Variants in CFI observed in about 807,000 individuals in gnomAD.
The protein encoded by CFI is complement factor I, also known as C3B/C4B inactivator.
CFI carries 66 observed loss-of-function variants against 78.8 expected under a neutral mutation model. The observed-to-expected ratio is 0.84, with a 90% CI of 0.69 to 1.03. CFI has a LOEUF of 1.03. CFI is among the 50% of genes least tolerant of loss of function. The pLI is 0.00. For missense variants in CFI, 706 were observed against 704.5 expected (o/e 1.00, Z -0.02); for synonymous variants, 250 against 232.6 (o/e 1.07, Z -0.68).
intron 7 of CFI, among the ~76,000 whole-genome samples, chr4:109,757,088 A>G (rs1726405707): frequency 6.6e-6 from 1 of 151,000 alleles, no homozygotes; most frequent in African/African-American, 2.4e-5. Flanking sequence ...GAGTGCAGTG[A>G]CGCGGTCTCG....
intron 8 of CFI, among the ~76,000 whole-genome samples, chr4:109,749,870 T>TAACCAAGAGGTTAA (rs1453475567): frequency 8.5e-5 from 13 of 152,226 alleles, no homozygotes; most frequent in Non-Finnish European, 1.6e-4. Flanking sequence ...GTTAAACATT[T>TAACCAAGAGGTTAA]ACCAGCCTCT....
At position 109,749,232 on chromosome 4, in the gene CFI, A is replaced by G. The variant is rs199539609; in HGVS notation, c.1134T>C (p.Ala378=). The G allele has an allele frequency of 1.3e-5, 21 of 1,613,890 alleles. No homozygotes were observed. The highest frequency in any genetic ancestry group is 1.7e-5 in the Non-Finnish European group (20 of 1,179,842). The change falls in exon 10 of 13, where the codon GCT becomes GCC. Residue 378 remains alanine (A), a synonymous_variant. Transcript: ENST00000394634. ...IYIGGCWILT[A]AHCLRASKTH... is the part of the protein sequence containing the mutation. ...ACATCTTTTACCTGAGACAATGTGC[A>G]GCAGTCAGAATCCAACAGCCACCAA...
At chr4:109,776,679 C>T (rs1729288016) in intron 1 of CFI, among the ~76,000 whole-genome samples, 1 of 152,098 alleles carries the variant, frequency 6.6e-6, no homozygotes, top group South Asian at 2.1e-4. Flanking sequence ...GTCAGATTCA[C>T]CAAAGTTGAA....
At chr4:109,788,722 A>C (rs939318084) in intron 1 of CFI, among the ~76,000 whole-genome samples, 1 of 152,100 alleles carries the variant, frequency 6.6e-6, no homozygotes, top group Non-Finnish European at 1.5e-5. Flanking sequence ...GAAAATGCAA[A>C]GTGAACATTT....
intron 1 of CFI, among the ~76,000 whole-genome samples, chr4:109,771,714 C>CAAAAA (rs149565381): frequency 0.012 from 215 of 18,116 alleles, 42 homozygotes; most frequent in African/African-American, 0.02. Flanking sequence ...ACTCCATCAC[C>CAAAAA]AAAAAAAAAA....
chr4:109,757,838 A>G lies in CFI; in HGVS notation c.884-55T>C, dbSNP rs980116445. On this transcript the variant is annotated intron_variant, in intron 6 of 12. Coordinates refer to ENST00000394634, the MANE Select transcript of CFI (RefSeq NM_000204.5). ...AAAGGATAATTTTTGGAAAAAATGC[A>G]CACTATAGCAATATACTATACATAT... is the stretch of plus-strand genomic sequence containing the variant. 14 of 1,372,984 alleles carry G rather than the reference A, an allele frequency of 1.0e-5. No individual in the cohort carries two copies. The African/African-American group carries it at 1.6e-4, about 16-fold the overall frequency. The allele number at this position is 1,372,984 out of a possible 1,614,324, so 85.1% of individuals were successfully genotyped here.
Position 109,764,547 on chromosome 4 carries a change from C to G in CFI, c.472G>C (p.Gly158Arg). ...REANVACLDL[G>R]FQQGADTQRR... ...GATACAAGCGCTCACTGTTGAAACC[C>G]AAGGTCAAGGCAGGCCACGTTGGCT... The change falls in exon 3 of 13, where the codon GGG becomes CGG. Residue 158 changes from glycine (G) to arginine (R), a missense_variant. Transcript: ENST00000394634. 7 of 1,614,034 alleles carry G rather than the reference C, an allele frequency of 4.3e-6. No homozygotes were observed. The highest frequency in any genetic ancestry group is 5.9e-6 in the Non-Finnish European group (7 of 1,180,012).
chr4:109,764,357 A>G (rs565355304), intron 3 of CFI, 180 bp downstream of exon 3: 22 of 684,784 alleles, frequency 3.2e-5, no homozygotes, highest in Admixed American at 6.8e-5. Flanking sequence ...TGTTGTCAGC[A>G]GGGTTCCAAG....
chr4:109,753,049 T>A (rs1379344095), intron 7 of CFI, among the ~76,000 whole-genome samples: 21 of 9,378 alleles, frequency 2.2e-3, no homozygotes, highest in Middle Eastern at 0.036. Context: ...ATATATTTAT[T>A]ATATATTTAT....
At chr4:109,791,205 T>C (rs934123867) in intron 1 of CFI, among the ~76,000 whole-genome samples, 2 of 152,210 alleles carry the variant, frequency 1.3e-5, no homozygotes, top group Admixed American at 1.3e-4. Context: ...TCACTGATGT[T>C]GGGCTTTTTT....
chr4:109,739,533 G>C (rs927756944), downstream of CFI, among the ~76,000 whole-genome samples: 4 of 151,984 alleles, frequency 2.6e-5, no homozygotes, highest in African/African-American at 9.7e-5. Context: ...TAGCCTTGGG[G>C]TCGGGTGGGG....
chr4:109,745,957 G>T (rs777150857), intron 11 of CFI, among the ~76,000 whole-genome samples: 1 of 152,164 alleles, frequency 6.6e-6, no homozygotes, highest in Non-Finnish European at 1.5e-5. Context: ...AAATGGAAAT[G>T]TGGAATGGGG....
chr4:109,790,481 T>G (rs550902787), intron 1 of CFI, among the ~76,000 whole-genome samples: 1 of 152,202 alleles, frequency 6.6e-6, no homozygotes, highest in Non-Finnish European at 1.5e-5. Flanking sequence ...TGCAGGTTTG[T>G]TATGTAGGTA....
chr4:109,751,937 G>A (rs564005710), intron 8 of CFI, among the ~76,000 whole-genome samples: 2 of 152,212 alleles, frequency 1.3e-5, no homozygotes, highest in East Asian at 1.9e-4. Flanking sequence ...AGAATTTAAC[G>A]TAAGTCTGTC....
intron 1 of CFI, among the ~76,000 whole-genome samples, chr4:109,776,998 G>C (rs1442500873): frequency 6.6e-6 from 1 of 152,174 alleles, no homozygotes; most frequent in Non-Finnish European, 1.5e-5. Flanking sequence ...GGAACAACCA[G>C]TACCAGCCAC....
chr4:109,749,528 G>T lies in CFI; in HGVS notation c.1015C>A (p.Arg339=). The part of the protein sequence containing the change: ...VKNRMHIRRK[R]IVGGKRAQLG... ...TGTGCTCGCTTTCCTCCCACAATTC[G>T]TTTCCTTCGAATGTGCATTCTGTTT... The change falls in exon 9 of 13, where the codon CGA becomes AGA. Residue 339 remains arginine (R), a synonymous_variant. Transcript: ENST00000394634. 1 of 1,613,392 alleles carries T rather than the reference G, an allele frequency of 6.2e-7. No homozygotes were observed. Among genetic ancestry groups the T allele is most frequent in the Non-Finnish European group, 8.5e-7 (1 of 1,179,488 alleles).
chr4:109,749,633 T>C (rs749160450), intron 8 of CFI, 31 bp from the exon 9 acceptor site: 10 of 1,416,834 alleles, frequency 7.1e-6, no homozygotes, highest in Admixed American at 5.0e-5. Flanking sequence ...ACATCATTAT[T>C]ATCTTGAACC....
chr4:109,736,914 T>C (rs757221444), downstream of CFI, among the ~76,000 whole-genome samples: 7 of 152,186 alleles, frequency 4.6e-5, no homozygotes, highest in Non-Finnish European at 1.0e-4. Context: ...CCTTCCTTTC[T>C]GTACTCAGTG....
chr4:109,738,031 C>T (rs1334394217), downstream of CFI, among the ~76,000 whole-genome samples: 4 of 152,098 alleles, frequency 2.6e-5, no homozygotes, highest in East Asian at 5.8e-4. Flanking sequence ...CTGGCTTGGC[C>T]CTTTTGGGGG....
Sources: gnomAD v4.1 joint callset for allele counts (sites outside exome capture counted in the v4.1 genomes callset) on GRCh38, gnomAD v4.1.1 for gene constraint, MANE v1.5 for transcripts, NCBI Gene and HGNC (gene_info 2026-07-23, HGNC 2026-07-21) for gene names.